TM9SF3: variants seen among roughly 807,000 people sequenced by gnomAD.
The protein encoded by TM9SF3 is SM-11044-binding protein.
TM9SF3 carries 14 observed loss-of-function variants against 78.6 expected under a neutral mutation model. That is an observed-to-expected ratio of 0.18 (90% confidence interval 0.12 to 0.28). TM9SF3 has a LOEUF of 0.28. Ranked by LOEUF, TM9SF3 falls within the 10% of genes least tolerant of loss-of-function variation. The probability of loss-of-function intolerance (pLI) is 1.00; values close to 1 mark genes in which losing one functional copy is unlikely to be tolerated. For synonymous variants in TM9SF3, 231 were observed against 241.7 expected (o/e 0.96, Z 0.41); for missense variants, 496 against 721.9 (o/e 0.69, Z 3.59).
At position 96,560,437 on chromosome 10, in the gene TM9SF3, C is replaced by T. The variant is rs1848291599; in HGVS notation, c.583-701G>A. ...GCACCTTTGAAAATGTCTGCACAGC[C>T]AACGGTTTCCCTTGGGGGCTTTGAA... On this transcript the variant is annotated intron_variant, in intron 4 of 14. Coordinates refer to ENST00000371142, the MANE Select transcript of TM9SF3 (RefSeq NM_020123.4). The T allele has an allele frequency of 5.3e-6, 4 of 750,182 alleles. No individual in the cohort carries two copies. In the Admixed American group the frequency reaches 6.9e-5, roughly 13 times the overall value. 46.5% of individuals were successfully genotyped at this position (750,182 alleles called of 1,614,324 possible).
chr10:96,556,236 T>C (rs993101455), intron 5 of TM9SF3, among the ~76,000 whole-genome samples: 2 of 7,096 alleles, frequency 2.8e-4, no homozygotes, highest in South Asian at 0.012. Flanking sequence ...GCACCCTCAA[T>C]TTGTCATAAA....
In TM9SF3 at chr10:96,566,684, AAAAC is replaced by A. The variant is rs764394650; in HGVS notation, c.299-1262_299-1259del. Among the ~76,000 whole-genome samples, 56 of 152,314 alleles carry A rather than the reference AAAAC, an allele frequency of 3.7e-4. No homozygotes were observed. The East Asian group carries it at 5.2e-3, about 14-fold the overall frequency. Reference sequence around the variant, plus strand: ...GGAATTTAGGATTTTCATGATGGCAAAAACAAACAAACAAACAACAACAAAAAAA... The same window carrying A: ...GGAATTTAGGATTTTCATGATGGCAAAAACAAACAAACAACAACAAAAAAA... On this transcript the variant is annotated intron_variant, in intron 2 of 14. Coordinates refer to ENST00000371142, the MANE Select transcript of TM9SF3 (RefSeq NM_020123.4).
intron 14 of TM9SF3, among the ~76,000 whole-genome samples, chr10:96,522,545 CTA>C (rs1282937387): frequency 1.9e-4 from 29 of 151,912 alleles, no homozygotes; most frequent in African/African-American, 7.0e-4. Flanking sequence ...TACGCCAAGT[CTA>C]ATCAAGTAGC....
intron 11 of TM9SF3, among the ~76,000 whole-genome samples, chr10:96,529,900 C>A (rs1847877894): frequency 6.6e-6 from 1 of 152,152 alleles, no homozygotes; most frequent in Non-Finnish European, 1.5e-5. Context: ...AGCTGCAATA[C>A]CTGAGAAAGT....
intron 8 of TM9SF3, among the ~76,000 whole-genome samples, chr10:96,547,592 G>A (rs1234592120): frequency 9.3e-6 from 1 of 107,776 alleles, no homozygotes; most frequent in African/African-American, 3.6e-5. Flanking sequence ...CACTTTGGGA[G>A]GCCGAATCAC....
intron 2 of TM9SF3, among the ~76,000 whole-genome samples, chr10:96,572,102 T>G (rs1432009349): frequency 6.6e-6 from 1 of 152,180 alleles, no homozygotes; most frequent in Non-Finnish European, 1.5e-5. Context: ...AAGTCTGTAA[T>G]CAATAAACTA....
At chr10:96,565,952 C>A (rs1177315196) in intron 2 of TM9SF3, among the ~76,000 whole-genome samples, 1 of 152,134 alleles carries the variant, frequency 6.6e-6, no homozygotes, top group African/African-American at 2.4e-5. Context: ...AAAAGGCAAA[C>A]CTCTATTCAG....
intron 2 of TM9SF3, among the ~76,000 whole-genome samples, chr10:96,565,786 A>G (rs959250327): frequency 3.3e-5 from 5 of 152,200 alleles, no homozygotes; most frequent in South Asian, 2.1e-4. Context: ...TAATATATAC[A>G]AAAGCTCAAG....
chr10:96,531,257 T>TA (rs1847890547), intron 10 of TM9SF3, among the ~76,000 whole-genome samples: 1 of 152,194 alleles, frequency 6.6e-6, no homozygotes, highest in African/African-American at 2.4e-5. Context: ...ATTCTCCCTT[T>TA]AAAACCTTTG....
rs1848641365 is a variant in TM9SF3 at position 96,586,908 on chromosome 10, C to T, written c.-73G>A. On this transcript the variant is annotated 5_prime_UTR_variant, in exon 1 of 15. Coordinates refer to ENST00000371142, the MANE Select transcript of TM9SF3 (RefSeq NM_020123.4). ...GCCGCCGCCTCCTCCGCCGCCGCCG[C>T]CTCCGCCGCGGCCGATTCGCATCCA... 1 of 1,121,476 alleles carries T rather than the reference C, an allele frequency of 8.9e-7. No individual in the cohort carries two copies. Among genetic ancestry groups the T allele is most frequent in the Non-Finnish European group, 1.1e-6 (1 of 909,446 alleles). The allele number at this position is 1,121,476 out of a possible 1,614,324, so 69.5% of individuals were successfully genotyped here.
At chr10:96,561,897 A>T in intron 4 of TM9SF3, 81 bp downstream of exon 4, 1 of 1,173,276 alleles carries the variant, frequency 8.5e-7, no homozygotes, top group Non-Finnish European at 1.2e-6. Flanking sequence ...CTACATTTTC[A>T]TTTACTAAAG....
chr10:96,530,191 C>T (rs1847880477), intron 11 of TM9SF3, among the ~76,000 whole-genome samples: 1 of 152,118 alleles, frequency 6.6e-6, no homozygotes, highest in Admixed American at 6.6e-5. Flanking sequence ...TTACCTAGTT[C>T]CCTAGATCCT....
At chr10:96,569,776 G>A (rs1848418739) in intron 2 of TM9SF3, among the ~76,000 whole-genome samples, 1 of 152,194 alleles carries the variant, frequency 6.6e-6, no homozygotes, top group African/African-American at 2.4e-5. Context: ...GCTCACACCT[G>A]TAATCCCAGC....
At chr10:96,566,706 C>CA (rs1045744579) in intron 2 of TM9SF3, among the ~76,000 whole-genome samples, 18 of 151,772 alleles carry the variant, frequency 1.2e-4, no homozygotes, top group Non-Finnish European at 2.2e-4. Flanking sequence ...CAAACAACAA[C>CA]AAAAAAAACC....
At chr10:96,548,104 A>G in intron 7 of TM9SF3, 115 bp from the exon 8 acceptor site, 1 of 637,626 alleles carries the variant, frequency 1.6e-6, no homozygotes, top group South Asian at 2.4e-5. Context: ...AAATACAAAA[A>G]TATCACAACC....
chr10:96,571,934 T>A (rs1848440259), intron 2 of TM9SF3, among the ~76,000 whole-genome samples: 1 of 152,196 alleles, frequency 6.6e-6, no homozygotes, highest in Non-Finnish European at 1.5e-5. Context: ...GATCATCTAA[T>A]GTCCATAATG....
Position 96,533,186 on chromosome 10 carries a change from G to A in TM9SF3, c.1190C>T (p.Ala397Val), listed in dbSNP as rs770614241. Residue 397 changes from alanine to valine, a missense_variant, in exon 10 of 15, where the codon GCC (alanine) becomes GTC (valine). Transcript: ENST00000371142. The part of the protein sequence containing the change: ...SRAIPFGTMV[A>V]VCCICFFVIL... ...AACAAAAAAACAGATGCAACAAACG[G>A]CCACCTGTAAATTAAATAAAAATGT... 1.2e-6 allele frequency: 2 copies of A among 1,612,888 alleles called. No individual in the cohort carries two copies. Among genetic ancestry groups the A allele is most frequent in the Non-Finnish European group, 1.7e-6 (2 of 1,179,360 alleles).
intron 2 of TM9SF3, among the ~76,000 whole-genome samples, chr10:96,573,984 C>T (rs1433740227): frequency 6.6e-6 from 1 of 152,130 alleles, no homozygotes; most frequent in Non-Finnish European, 1.5e-5. Flanking sequence ...AGAAGAAAAC[C>T]TAGGCAATAC....
chr10:96,529,784 T>G (rs990648612), intron 11 of TM9SF3, among the ~76,000 whole-genome samples: 2 of 152,168 alleles, frequency 1.3e-5, no homozygotes, highest in African/African-American at 4.8e-5. Context: ...TTAAGGAGAC[T>G]CCTACCATAC....
Sources: gnomAD v4.1 joint callset for allele counts (sites outside exome capture counted in the v4.1 genomes callset) on GRCh38, gnomAD v4.1.1 for gene constraint, MANE v1.5 for transcripts, NCBI Gene and HGNC (gene_info 2026-07-23, HGNC 2026-07-21) for gene names.